The following EVL variants were observed in gnomAD, a reference collection of about 807,000 sequenced individuals.
EVL encodes Enah/Vasp-like.
In EVL, 21 loss-of-function variants were observed where a neutral mutation model predicts 59.6. The ratio of observed to expected loss-of-function variants is 0.35; its 90% CI spans 0.25 to 0.51. The LOEUF (loss-of-function observed/expected upper bound fraction) is 0.51, where lower values mean the gene tolerates loss of function less well. Among genes scored for constraint, EVL ranks in the 20% least tolerant of loss-of-function variants. The probability of loss-of-function intolerance (pLI) is 0.97; values close to 1 mark genes in which losing one functional copy is unlikely to be tolerated. For missense variants in EVL, 462 were observed against 546.6 expected (o/e 0.85, Z 1.54); for synonymous variants, 198 against 203.5 (o/e 0.97, Z 0.23).
intron 1 of EVL, among the ~76,000 whole-genome samples, chr14:100,077,416 C>CTT (rs1215568499): frequency 6.6e-6 from 1 of 152,208 alleles, no homozygotes; most frequent in African/African-American, 2.4e-5. Context: ...GAAAAGAATA[C>CTT]TTTCTCTCTT....
At chr14:100,010,801 T>G (rs1218818722) in intron 1 of EVL, among the ~76,000 whole-genome samples, 1 of 152,218 alleles carries the variant, frequency 6.6e-6, no homozygotes, top group East Asian at 1.9e-4. Context: ...TTTGTGAAGA[T>G]GAGGAAATTA....
chr14:100,001,027 C>T (rs773506639), intron 1 of EVL, among the ~76,000 whole-genome samples: 4 of 151,850 alleles, frequency 2.6e-5, no homozygotes, highest in East Asian at 1.9e-4. Flanking sequence ...AGTCTCATGT[C>T]CTATGAAGAG....
chr14:100,127,100 T>TCAAG lies in EVL; in HGVS notation c.487+329_487+330insCAAG, dbSNP rs1169031797. Among the ~76,000 whole-genome samples, 1 of 152,238 alleles carries TCAAG rather than the reference T, an allele frequency of 6.6e-6. No individual in the cohort carries two copies. Among genetic ancestry groups the TCAAG allele is most frequent in the Non-Finnish European group, 1.5e-5 (1 of 68,040 alleles). On this transcript the variant is annotated intron_variant, in intron 5 of 13. Transcript: ENST00000392920. This position sits in a 1 kb window ranked among gnomAD's most constrained non-coding sequence, Gnocchi z 4.2. Reference sequence around the variant, plus strand: ...CAGTTCCTGCCCTCAGGAAGCCCGCTGTCCACTCAAGGAGACAGTGAACCC... The same window carrying TCAAG: ...CAGTTCCTGCCCTCAGGAAGCCCGCTCAAGGTCCACTCAAGGAGACAGTGAACCC...
At chr14:100,059,326 G>A (rs559420190) in intron 1 of EVL, among the ~76,000 whole-genome samples, 1 of 152,358 alleles carries the variant, frequency 6.6e-6, no homozygotes, top group South Asian at 2.1e-4. Flanking sequence ...TTGGCATGGA[G>A]TGGTGGAGCC....
At chr14:100,064,854 G>A (rs1335430385), upstream of EVL, among the ~76,000 whole-genome samples, 1 of 152,202 alleles carries the variant, frequency 6.6e-6, no homozygotes, top group Non-Finnish European at 1.5e-5. Flanking sequence ...TGGTGGCGGT[G>A]AGCCAAGATC....
At position 100,109,703 on chromosome 14, in the gene EVL, T is replaced by C. The variant is rs1302753408; in HGVS notation, c.358+12045T>C. ...TGCTATCTGTGATTGAGGGACATGGTTAATGGAATTGTCTCACACAGAAAT... is the reference window on the plus strand; with the variant it reads ...TGCTATCTGTGATTGAGGGACATGGCTAATGGAATTGTCTCACACAGAAAT... On this transcript the variant is annotated intron_variant, in intron 3 of 13. Transcript: ENST00000392920. The surrounding 1 kb of genome is among the most constrained non-coding windows in gnomAD (Gnocchi z 4.3). 1.9e-6 allele frequency: 1 copy of C among 532,532 alleles called. No individual in the cohort carries two copies. Among genetic ancestry groups the C allele is most frequent in the Admixed American group, 1.9e-5 (1 of 51,370 alleles). The allele number at this position is 532,532 out of a possible 1,614,324, so 33.0% of individuals were successfully genotyped here.
intron 1 of EVL, among the ~76,000 whole-genome samples, chr14:99,984,977 C>T (rs1406562325): frequency 2.0e-5 from 3 of 151,994 alleles, no homozygotes; most frequent in Non-Finnish European, 2.9e-5. Flanking sequence ...ACCCGGTATC[C>T]TTTTTCTGTT....
intron 1 of EVL, among the ~76,000 whole-genome samples, chr14:100,055,606 C>T (rs570395378): frequency 1.3e-5 from 2 of 152,302 alleles, no homozygotes; most frequent in East Asian, 3.9e-4. Context: ...TTTTCTCCAG[C>T]ATTCTGAAGA....
intron 1 of EVL, among the ~76,000 whole-genome samples, chr14:100,073,968 A>G (rs1380801816): frequency 7.3e-6 from 1 of 137,156 alleles, no homozygotes; most frequent in Non-Finnish European, 1.5e-5. Flanking sequence ...GGTGTGCATT[A>G]GCATTCTCTT....
Position 100,003,450 on chromosome 14 carries a change from C to G in EVL, c.5+31393C>G, listed in dbSNP as rs1030974936. Among the ~76,000 whole-genome samples the G allele has an allele frequency of 5.3e-5, 8 of 152,148 alleles. No homozygotes were observed. In the South Asian group the frequency reaches 8.3e-4, roughly 16 times the overall value. The stretch of plus-strand genomic sequence containing the variant: ...TTATTTTTTGAGACAGAGGTTTGCT[C>G]TTGTTGCCCTGGCTAGAGTGCAATG... On this transcript the variant is annotated intron_variant, in intron 1 of 13. Transcript: ENST00000402714.
intron 1 of EVL, among the ~76,000 whole-genome samples, chr14:100,055,926 C>G (rs958928966): frequency 1.3e-5 from 2 of 152,134 alleles, no homozygotes; most frequent in Non-Finnish European, 2.9e-5. Flanking sequence ...ATTCTCCTGT[C>G]TCAGCATCCC....
upstream of EVL, among the ~76,000 whole-genome samples, chr14:100,062,572 AGTAGTAGACCT>A (rs1336972825): frequency 1.2e-4 from 19 of 152,326 alleles, no homozygotes; most frequent in Admixed American, 1.1e-3. Context: ...CAAATAGCAA[AGTAGTAGACCT>A]GTATCCATCT....
intron 3 of EVL, among the ~76,000 whole-genome samples, chr14:100,104,757 G>C (rs893849831): frequency 1.3e-5 from 2 of 152,160 alleles, no homozygotes; most frequent in African/African-American, 2.4e-5. Context: ...TTCCTTGGAT[G>C]AATCACTGCA....
intron 1 of EVL, among the ~76,000 whole-genome samples, chr14:100,059,378 T>C (rs992335304): frequency 1.3e-5 from 2 of 152,158 alleles, no homozygotes; most frequent in Non-Finnish European, 2.9e-5. Flanking sequence ...GGGCAGAAAT[T>C]AGAATTCTAC....
chr14:100,005,962 TA>T (rs2060976191), intron 1 of EVL, among the ~76,000 whole-genome samples: 1 of 134,968 alleles, frequency 7.4e-6, no homozygotes, highest in Non-Finnish European at 1.5e-5. Flanking sequence ...TAAAGCCCTT[TA>T]AGTCAAAAAA....
At chr14:100,020,447 G>A (rs1380722185) in intron 1 of EVL, among the ~76,000 whole-genome samples, 1 of 151,656 alleles carries the variant, frequency 6.6e-6, no homozygotes, top group Non-Finnish European at 1.5e-5. Context: ...CACCTCTCTG[G>A]AACATATGGA....
intron 1 of EVL, among the ~76,000 whole-genome samples, chr14:100,003,112 A>C (rs925506725): frequency 5.3e-5 from 8 of 152,142 alleles, no homozygotes; most frequent in African/African-American, 1.9e-4. Flanking sequence ...AACTTATTTT[A>C]TCTCTCAAAA....
Position 99,972,533 on chromosome 14 carries a change from CT to C in EVL, c.5+480del, listed in dbSNP as rs2060741326. ...GCCAGCGCCCAGAGCCGCGTTTGGG[CT>C]TTTACAGGTGTAGTTTCCCCTCGAC... is the stretch of plus-strand genomic sequence containing the variant. On this transcript the variant is annotated intron_variant, in intron 1 of 13. Coordinates refer to the EVL transcript ENST00000402714. This position sits in a 1 kb window ranked among gnomAD's most constrained non-coding sequence, Gnocchi z 4.4. Among the ~76,000 whole-genome samples, 1 of 152,204 alleles carries C rather than the reference CT, an allele frequency of 6.6e-6. No individual in the cohort carries two copies. Among genetic ancestry groups the C allele is most frequent in the Non-Finnish European group, 1.5e-5 (1 of 68,026 alleles).
intron 1 of EVL, among the ~76,000 whole-genome samples, chr14:99,998,902 G>C (rs1002030188): frequency 6.6e-6 from 1 of 152,082 alleles, no homozygotes; most frequent in South Asian, 2.1e-4. Context: ...AATGGTCTCT[G>C]AATCTCAAGA....
Sources: gnomAD v4.1 joint callset for allele counts (sites outside exome capture counted in the v4.1 genomes callset) on GRCh38, gnomAD v4.1.1 for gene constraint, Gnocchi (gnomAD v3.1) non-coding constraint, MANE v1.5 for transcripts, NCBI Gene and HGNC (gene_info 2026-07-23, HGNC 2026-07-21) for gene names.